BAZ1A: variants seen among roughly 807,000 people sequenced by gnomAD.
The protein encoded by BAZ1A is bromodomain adjacent to zinc finger domain 1A.
A neutral mutation model predicts 185.2 loss-of-function variants in BAZ1A; 50 were observed. That is an observed-to-expected ratio of 0.27 (90% CI 0.22 to 0.34). BAZ1A has a LOEUF of 0.34. Ranked by LOEUF, BAZ1A falls within the 10% of genes least tolerant of loss-of-function variation. BAZ1A has a pLI of 1.00. For synonymous variants in BAZ1A, 571 were observed against 615.6 expected, an observed-to-expected ratio of 0.93 and a Z score of 1.07; for missense variants, 1,356 against 1,839.9, an observed-to-expected ratio of 0.74 and a Z score of 4.81.
intron 14 of BAZ1A, among the ~76,000 whole-genome samples, chr14:34,784,367 C>CCA (rs1225939081): frequency 0.02 from 1,568 of 77,158 alleles, 219 homozygotes; most frequent in East Asian, 0.09. Flanking sequence ...GACTCTGTCT[C>CCA]AAAAAAAAAA....
intron 26 of BAZ1A, 23 bp from the exon 27 acceptor site, chr14:34,753,727 A>C (rs1886117356): frequency 1.3e-6 from 2 of 1,517,624 alleles, no homozygotes. Flanking sequence ...AGAGACAAAA[A>C]GATTAGAATG....
intron 2 of BAZ1A, among the ~76,000 whole-genome samples, chr14:34,867,401 C>A (rs2042878073): frequency 6.6e-6 from 1 of 152,218 alleles, no homozygotes; most frequent in Admixed American, 6.5e-5. Context: ...CTAGCCACAG[C>A]AGCTAAGTGC....
chr14:34,769,232 T>G (rs966855705), intron 21 of BAZ1A, among the ~76,000 whole-genome samples: 3 of 152,232 alleles, frequency 2.0e-5, no homozygotes, highest in African/African-American at 7.2e-5. Context: ...CCTATCTCCA[T>G]CTCCTGCTGT....
chr14:34,788,462 C>A (rs571622543), intron 12 of BAZ1A, among the ~76,000 whole-genome samples: 10 of 152,126 alleles, frequency 6.6e-5, no homozygotes, highest in African/African-American at 2.2e-4. Flanking sequence ...TGCCACCATG[C>A]CCACCTAGTT....
intron 4 of BAZ1A, chr14:34,816,983 T>A: frequency 4.8e-6 from 1 of 210,258 alleles, no homozygotes; most frequent in Non-Finnish European, 1.0e-5. Context: ...ATAACATTAC[T>A]GGGCCAATTC....
Position 34,754,910 on chromosome 14 carries a change from G to C in BAZ1A, c.4391C>G (p.Pro1464Arg). ...FLKLVSKIQVPDYYDIIKKPI... is the reference protein window; with the variant it reads ...FLKLVSKIQVRDYYDIIKKPI... ...CTTTTTGATGATGTCATAGTAGTCT[G>C]GGACCTGTAAAATAATTCAAATATC... Residue 1464 changes from proline (P) to arginine (R), a missense_variant, in exon 26 of 27, where the codon CCA becomes CGA. Pro to Arg is a moderately radical substitution (Grantham distance 103). Transcript: ENST00000360310. The C allele has an allele frequency of 6.3e-7, 1 of 1,584,346 alleles. No homozygotes were observed.
intron 3 of BAZ1A, among the ~76,000 whole-genome samples, chr14:34,859,643 AT>A (rs982537354): frequency 6.6e-6 from 1 of 151,962 alleles, no homozygotes; most frequent in Non-Finnish European, 1.5e-5. Flanking sequence ...TTAAATCATG[AT>A]TTTCCTATAA....
At chr14:34,839,506 T>A (rs1439678586) in intron 3 of BAZ1A, among the ~76,000 whole-genome samples, 1 of 134,934 alleles carries the variant, frequency 7.4e-6, no homozygotes, top group Non-Finnish European at 1.5e-5. Context: ...ATCACTACAC[T>A]CCAGCCTGGG....
chr14:34,816,901 G>T, intron 4 of BAZ1A: 1 of 381,586 alleles, frequency 2.6e-6, no homozygotes, highest in Non-Finnish European at 5.2e-6. Flanking sequence ...CAAATAGTAA[G>T]GATATTTACA....
At chr14:34,863,150 G>A (rs1405682827) in intron 2 of BAZ1A, among the ~76,000 whole-genome samples, 126 of 124,842 alleles carry the variant, frequency 1.0e-3, no homozygotes, top group African/African-American at 2.2e-3. Flanking sequence ...CACCACGCTC[G>A]GCTTTTTTTT....
chr14:34,771,897 G>C (rs1204127629), intron 20 of BAZ1A, among the ~76,000 whole-genome samples: 1 of 152,118 alleles, frequency 6.6e-6, no homozygotes, highest in Non-Finnish European at 1.5e-5. Flanking sequence ...AGGTGACATT[G>C]TGATGGGCCT....
intron 2 of BAZ1A, among the ~76,000 whole-genome samples, chr14:34,873,795 G>A (rs1214209399): frequency 1.3e-5 from 2 of 151,948 alleles, no homozygotes; most frequent in African/African-American, 4.8e-5. Context: ...TCACCAAGAA[G>A]AGGCGGTGAC....
Position 34,783,852 on chromosome 14 carries a change from T to G in BAZ1A, c.1907A>C (p.Asp636Ala). The G allele has an allele frequency of 6.2e-7, 1 of 1,613,752 alleles. No homozygotes were observed. Among genetic ancestry groups the G allele is most frequent in the African/African-American group, 1.3e-5 (1 of 75,020 alleles). ...TGCCTGTCGTAATATATCAACATAATCTTCAATAAAATCCCTAGTTGAAAC... is the reference window on the plus strand; with the variant it reads ...TGCCTGTCGTAATATATCAACATAAGCTTCAATAAAATCCCTAGTTGAAAC... ...TLVSTRDFIE[D>A]YVDILRQAKQ... Residue 636 changes from aspartate (D) to alanine (A), a missense_variant, in exon 15 of 27, where the codon GAT (aspartate) becomes GCT (alanine). Transcript: ENST00000360310.
At chr14:34,869,229 AC>A (rs1390301636) in intron 2 of BAZ1A, among the ~76,000 whole-genome samples, 1 of 150,842 alleles carries the variant, frequency 6.6e-6, no homozygotes, top group African/African-American at 2.5e-5. Flanking sequence ...TAAATAAATA[AC>A]ATAACATAAC....
Position 34,794,990 on chromosome 14 carries a change from G to T in BAZ1A, c.1225-103C>A, listed in dbSNP as rs904277984. ...ACCTAACTATTAAGAAGTATTATTT[G>T]TAAGCTACTGGTTCTCAACCCTTGC... On this transcript the variant is annotated intron_variant, in intron 10 of 26. Coordinates refer to ENST00000360310, the MANE Select transcript of BAZ1A (RefSeq NM_013448.3). The T allele has an allele frequency of 1.1e-5, 16 of 1,418,400 alleles. No individual in the cohort carries two copies. In the African/African-American group the frequency reaches 2.3e-4, roughly 21 times the overall value. 87.9% of individuals were successfully genotyped at this position (1,418,400 alleles called of 1,614,324 possible).
Position 34,758,826 on chromosome 14 carries a change from C to T in BAZ1A, c.4264G>A (p.Gly1422Ser). Reference sequence around the variant, plus strand: ...CCCTGTCGGCCAGAACTCCTTCGACCCAGTGTCACAGGCGATGGCTCTGAG... The same window carrying T: ...CCCTGTCGGCCAGAACTCCTTCGACTCAGTGTCACAGGCGATGGCTCTGAG... ...QSPEPSPVTL[G>S]RRSSGRQGGV... The change falls in exon 25 of 27, where the codon GGT becomes AGT. Residue 1422 changes from glycine (G) to serine (S), a missense_variant. Around this residue, in one of 7 missense-constraint regions of BAZ1A, gnomAD observed 309 missense variants for 355.3 expected, o/e 0.87. Transcript: ENST00000360310. The T allele has an allele frequency of 6.2e-7, 1 of 1,613,970 alleles. No individual in the cohort carries two copies. Among genetic ancestry groups the T allele is most frequent in the South Asian group, 1.1e-5 (1 of 91,050 alleles).
At chr14:34,758,653 G>T in intron 25 of BAZ1A, 51 bp downstream of exon 25, 1 of 1,572,006 alleles carries the variant, frequency 6.4e-7, no homozygotes, top group South Asian at 1.1e-5. Context: ...TTATCACGTG[G>T]ACTAAATCAG....
chr14:34,837,107 C>T (rs1462143755), intron 3 of BAZ1A, among the ~76,000 whole-genome samples: 2 of 151,464 alleles, frequency 1.3e-5, no homozygotes, highest in Non-Finnish European at 2.9e-5. Context: ...GTTCTGAGAC[C>T]CTTTATGGAC....
Position 34,774,599 on chromosome 14 carries a change from T to A in BAZ1A, c.2834-109A>T. The A allele has an allele frequency of 5.6e-6, 5 of 898,262 alleles. No individual in the cohort carries two copies. The South Asian group carries it at 1.0e-4, about 18-fold the overall frequency. The allele number at this position is 898,262 out of a possible 1,614,324, so 55.6% of individuals were successfully genotyped here. A position where few individuals can be genotyped will look rare whatever the true frequency, so the allele number is the denominator to read the frequency against. On this transcript the variant is annotated intron_variant, in intron 18 of 26. Transcript: ENST00000360310. ...AACAGATATAAAAGTGCTTTGTAAA[T>A]CCTCAAGTGCCACAAATGAATGAAT...
Sources: gnomAD v4.1 joint callset for allele counts (sites outside exome capture counted in the v4.1 genomes callset) on GRCh38, gnomAD v4.1.1 for gene constraint, gnomAD v4.1.1 regional missense constraint, MANE v1.5 for transcripts, NCBI Gene and HGNC (gene_info 2026-07-23, HGNC 2026-07-21) for gene names.